Variants in BRINP3 observed in about 807,000 individuals in gnomAD.
BRINP3 encodes BMP/retinoic acid inducible neural specific 3.
A neutral mutation model predicts 71.0 loss-of-function variants in BRINP3; 19 were observed. That is an observed-to-expected ratio of 0.27 (90% CI 0.19 to 0.39). The LOEUF (loss-of-function observed/expected upper bound fraction) is 0.39, where lower values mean the gene tolerates loss of function less well. Ranked by LOEUF, BRINP3 falls within the 10% of genes least tolerant of loss-of-function variation. The probability of loss-of-function intolerance (pLI) is 1.00; values close to 1 mark genes in which losing one functional copy is unlikely to be tolerated. For missense variants in BRINP3, 959 were observed against 940.8 expected, an observed-to-expected ratio of 1.02 and a Z score of -0.25; for synonymous variants, 380 against 337.7, an observed-to-expected ratio of 1.13 and a Z score of -1.37.
chr1:190,253,501 T>G (rs1451419457), intron 4 of BRINP3, among the ~76,000 whole-genome samples: 1 of 152,228 alleles, frequency 6.6e-6, no homozygotes, highest in African/African-American at 2.4e-5. Context: ...AATGTGGTTT[T>G]CATTTGTGTT....
intron 2 of BRINP3, among the ~76,000 whole-genome samples, chr1:190,380,093 C>A (rs993440189): frequency 6.6e-6 from 1 of 151,888 alleles, no homozygotes; most frequent in Non-Finnish European, 1.5e-5. Flanking sequence ...TAAGAAATCA[C>A]CTTTGCTGCT....
intron 3 of BRINP3, among the ~76,000 whole-genome samples, chr1:190,274,320 T>C (rs995298264): frequency 1.3e-5 from 2 of 151,538 alleles, no homozygotes; most frequent in Non-Finnish European, 3.0e-5. Context: ...CGATTGCCAC[T>C]GCCCTTGAGT....
At chr1:190,394,615 T>C (rs1244355432) in intron 2 of BRINP3, among the ~76,000 whole-genome samples, 1 of 151,484 alleles carries the variant, frequency 6.6e-6, no homozygotes, top group Non-Finnish European at 1.5e-5. Context: ...AAGAGAGATA[T>C]TAAAATTAAA....
At chr1:190,208,483 T>C (rs1655708101) in intron 6 of BRINP3, among the ~76,000 whole-genome samples, 1 of 151,952 alleles carries the variant, frequency 6.6e-6, no homozygotes. Flanking sequence ...TTTATTTATT[T>C]GTTTGTTTAT....
Position 190,098,134 on chromosome 1 carries a change from G to T in BRINP3, c.2185C>A (p.Arg729Ser). 6.2e-7 allele frequency: 1 copy of T among 1,614,134 alleles called. No homozygotes were observed. The highest frequency in any genetic ancestry group is 8.5e-7 in the Non-Finnish European group (1 of 1,180,028). ...CTAGTAGACAGCTTGAGTCTATGAC[G>T]AAGCAAGCAAGAGAAAAGATCTAGA... is the stretch of plus-strand genomic sequence containing the variant. ...RRLDLFSCLL[R>S]HRLKLSTSEV... Residue 729 changes from arginine to serine, a missense_variant, in exon 8 of 8, where the codon CGT becomes AGT. Arg to Ser is a moderately radical substitution (Grantham distance 110). Coordinates refer to ENST00000367462, the MANE Select transcript of BRINP3 (RefSeq NM_199051.3).
chr1:190,449,412 C>G (rs1047352116), intron 2 of BRINP3, among the ~76,000 whole-genome samples: 6 of 151,990 alleles, frequency 3.9e-5, no homozygotes, highest in Admixed American at 3.9e-4. Flanking sequence ...GAGGTAATCT[C>G]TCCTACTGAA....
chr1:190,175,639 T>C (rs192845743), intron 6 of BRINP3, among the ~76,000 whole-genome samples: 37 of 152,318 alleles, frequency 2.4e-4, no homozygotes, highest in Admixed American at 4.6e-4. Context: ...TAAAACTTTA[T>C]GTTACTGTAT....
At chr1:190,473,171 C>T (rs760674007) in intron 1 of BRINP3, among the ~76,000 whole-genome samples, 8 of 151,990 alleles carry the variant, frequency 5.3e-5, no homozygotes, top group Admixed American at 1.3e-4. Context: ...CACACACAAA[C>T]ATATATACAC....
Position 190,372,519 on chromosome 1 carries a change from C to T in BRINP3, c.236+82136G>A, listed in dbSNP as rs114917654. 4.9e-3 allele frequency among the ~76,000 whole-genome samples: 744 copies of T among 152,226 alleles called. 11 individuals are homozygous for T. The highest frequency in any genetic ancestry group is 0.017 in the Middle Eastern group (5 of 294). ...CTGACTGTCACAAGATCAAGACATG[C>T]ATAAGCTGGAAATAAATAAGAAAGT... On this transcript the variant is annotated intron_variant, in intron 2 of 7. Transcript: ENST00000367462.
intron 2 of BRINP3, among the ~76,000 whole-genome samples, chr1:190,297,845 G>C (rs1210463163): frequency 6.8e-6 from 1 of 147,794 alleles, no homozygotes; most frequent in Admixed American, 6.9e-5. Flanking sequence ...TTTTCTTCTG[G>C]TTTGTTATCA....
At chr1:190,226,973 G>A (rs1373638959) in intron 5 of BRINP3, among the ~76,000 whole-genome samples, 3 of 151,892 alleles carry the variant, frequency 2.0e-5, no homozygotes, top group African/African-American at 4.8e-5. Context: ...AACATGTTTA[G>A]TAAAGTTGCT....
At chr1:190,355,988 A>C (rs1030883011) in intron 2 of BRINP3, among the ~76,000 whole-genome samples, 1 of 151,946 alleles carries the variant, frequency 6.6e-6, no homozygotes, top group African/African-American at 2.4e-5. Context: ...ATGTCCCATC[A>C]AGATATAAAG....
At chr1:190,328,007 A>G (rs1666724206) in intron 2 of BRINP3, among the ~76,000 whole-genome samples, 1 of 152,170 alleles carries the variant, frequency 6.6e-6, no homozygotes, top group Non-Finnish European at 1.5e-5. Context: ...AAACCACACA[A>G]TTACATGGAA....
At chr1:190,284,507 A>G (rs367804703) in intron 2 of BRINP3, among the ~76,000 whole-genome samples, 203 of 152,146 alleles carry the variant, frequency 1.3e-3, no homozygotes, top group African/African-American at 4.5e-3. Flanking sequence ...ATTGTATAGT[A>G]GCTTAGTTAG....
At chr1:190,114,280 C>G (rs906062682) in intron 7 of BRINP3, among the ~76,000 whole-genome samples, 5 of 152,088 alleles carry the variant, frequency 3.3e-5, no homozygotes, top group African/African-American at 4.8e-5. Context: ...GAGCAGTTGC[C>G]AGTACTATGC....
rs77518532 is a variant in BRINP3 at position 190,329,530 on chromosome 1, G to A, written c.237-47780C>T. Among the ~76,000 whole-genome samples the A allele has an allele frequency of 7.1e-3, 1,078 of 151,994 alleles. 16 individuals carry two copies. Among genetic ancestry groups the A allele is most frequent in the African/African-American group, 0.024 (1,011 of 41,486 alleles). On this transcript the variant is annotated intron_variant, in intron 2 of 7. Coordinates refer to ENST00000367462, the MANE Select transcript of BRINP3 (RefSeq NM_199051.3). ...CAAAATACTGCTAAAAGAAATCATA[G>A]ATGACAGAAACAAATGAAAAAACAT...
chr1:190,303,482 T>G (rs1164875190), intron 2 of BRINP3, among the ~76,000 whole-genome samples: 2 of 151,780 alleles, frequency 1.3e-5, no homozygotes, highest in Admixed American at 6.6e-5. Flanking sequence ...GAAATCAGGC[T>G]GCTATATGAC....
intron 5 of BRINP3, among the ~76,000 whole-genome samples, chr1:190,229,193 A>G (rs550267488): frequency 6.6e-6 from 1 of 152,006 alleles, no homozygotes; most frequent in Non-Finnish European, 1.5e-5. Flanking sequence ...ACAAAATCTC[A>G]CTTTGAACTG....
chr1:190,337,494 A>G (rs1006979819), intron 2 of BRINP3, among the ~76,000 whole-genome samples: 2 of 152,016 alleles, frequency 1.3e-5, no homozygotes, highest in Admixed American at 1.3e-4. Context: ...AGGCAGAGGA[A>G]CATGGAAGGG....
Sources: allele counts gnomAD v4.1 joint callset (sites outside exome capture counted in the v4.1 genomes callset), GRCh38; gene constraint gnomAD v4.1.1; transcripts MANE v1.5; gene names NCBI Gene and HGNC (gene_info 2026-07-23, HGNC 2026-07-21).